WWOX: variants seen among roughly 807,000 people sequenced by gnomAD.
WWOX encodes the protein WW domain-containing oxidoreductase.
Under a neutral mutation model 46.2 loss-of-function variants are expected in WWOX, and 69 were observed. The ratio of observed to expected loss-of-function variants is 1.49; its 90% CI spans 1.23 to 1.82. WWOX has a LOEUF of 1.82. WWOX is among the 40% of genes most tolerant of loss of function. The pLI is 0.00. For synonymous variants in WWOX, 359 were observed against 202.6 expected (o/e 1.77, Z -6.56); for missense variants, 919 against 542.6 (o/e 1.69, Z -6.89).
chr16:78,353,399 G>C (rs532239277), intron 5 of WWOX, among the ~76,000 whole-genome samples: 13 of 152,242 alleles, frequency 8.5e-5, no homozygotes, highest in African/African-American at 3.1e-4. Flanking sequence ...GCCTTCCAGG[G>C]GTGTAAGCCA....
At chr16:78,854,932 T>C (rs1307419135) in intron 8 of WWOX, among the ~76,000 whole-genome samples, 1 of 151,786 alleles carries the variant, frequency 6.6e-6, no homozygotes, top group Non-Finnish European at 1.5e-5. Flanking sequence ...TTAACAAAAC[T>C]TTAAAATGGG....
chr16:78,575,051 ATATATATATATATATATATATATAT>A (rs2044835339), intron 8 of WWOX, among the ~76,000 whole-genome samples: 1 of 12,346 alleles, frequency 8.1e-5, no homozygotes, highest in South Asian at 3.4e-3. Flanking sequence ...ATATATATAT[ATATATATATATATATATATATATAT>A]ATATATATAT....
intron 8 of WWOX, among the ~76,000 whole-genome samples, chr16:78,928,227 G>C (rs1252710808): frequency 1.4e-5 from 2 of 147,568 alleles, no homozygotes; most frequent in Non-Finnish European, 3.0e-5. Context: ...TTTTGAGACG[G>C]AGTCTCGCTC....
intron 8 of WWOX, among the ~76,000 whole-genome samples, chr16:79,057,463 A>G (rs9939158): frequency 0.6 from 91,085 of 151,818 alleles, 28,008 homozygotes; most frequent in African/African-American, 0.71. Flanking sequence ...GCTCCTTCTC[A>G]TTAGAGTCTT....
intron 8 of WWOX, among the ~76,000 whole-genome samples, chr16:78,945,084 G>A (rs1038708003): frequency 1.3e-5 from 2 of 152,142 alleles, no homozygotes; most frequent in Non-Finnish European, 2.9e-5. Context: ...GGAGGCTGAG[G>A]TAAGGGGATT....
intron 8 of WWOX, among the ~76,000 whole-genome samples, chr16:78,883,940 C>T (rs1011774258): frequency 6.6e-6 from 1 of 151,968 alleles, no homozygotes; most frequent in Non-Finnish European, 1.5e-5. Flanking sequence ...TTTTGGAAGA[C>T]TTGATTTACA....
rs9927493 is a variant in WWOX at position 78,275,988 on chromosome 16, A to G, written c.517-110872A>G. Among the ~76,000 whole-genome samples the G allele has an allele frequency of 2.5e-3, 377 of 152,222 alleles. 1 individual carries two copies. The highest frequency in any genetic ancestry group is 8.5e-3 in the African/African-American group (354 of 41,540). On this transcript the variant is annotated intron_variant, in intron 5 of 8. Coordinates refer to ENST00000566780, the MANE Select transcript of WWOX (RefSeq NM_016373.4). ...GCATCAGCCTTAGCCCAGACCCCCA[A>G]ACTTCCTGGGCTTCATTCTGCTTTG... is the stretch of plus-strand genomic sequence containing the variant.
At chr16:78,392,135 G>A (rs552256007) in intron 6 of WWOX, among the ~76,000 whole-genome samples, 2 of 152,022 alleles carry the variant, frequency 1.3e-5, no homozygotes, top group Non-Finnish European at 2.9e-5. Context: ...GGGTGGCATG[G>A]CAGGGAGTGA....
chr16:78,633,583 G>A (rs1446603688), intron 8 of WWOX, among the ~76,000 whole-genome samples: 1 of 152,172 alleles, frequency 6.6e-6, no homozygotes, highest in Non-Finnish European at 1.5e-5. Context: ...ACGCTGGCAG[G>A]CCTCTGGCTT....
intron 8 of WWOX, among the ~76,000 whole-genome samples, chr16:79,187,836 C>G (rs1425931889): frequency 6.6e-6 from 1 of 152,258 alleles, no homozygotes; most frequent in Non-Finnish European, 1.5e-5. Flanking sequence ...GCCACCATGC[C>G]TGGCCCCCTT....
chr16:78,625,475 A>G (rs72805029), intron 8 of WWOX, among the ~76,000 whole-genome samples: 7,699 of 152,116 alleles, frequency 0.051, 291 homozygotes, highest in Non-Finnish European at 0.074. Context: ...TTTGAAACAG[A>G]CTTCGTTAGA....
At chr16:78,637,259 A>G (rs1489586847) in intron 8 of WWOX, among the ~76,000 whole-genome samples, 2 of 151,942 alleles carry the variant, frequency 1.3e-5, no homozygotes, top group African/African-American at 4.8e-5. Flanking sequence ...CCCCCAACCA[A>G]CGACCCTTCC....
intron 8 of WWOX, among the ~76,000 whole-genome samples, chr16:78,590,525 C>A (rs1307688752): frequency 6.6e-6 from 1 of 152,196 alleles, no homozygotes; most frequent in Non-Finnish European, 1.5e-5. Flanking sequence ...GCAGATTAGA[C>A]AAGAAACATT....
At chr16:78,485,680 G>C (rs907795134) in intron 8 of WWOX, among the ~76,000 whole-genome samples, 4 of 152,232 alleles carry the variant, frequency 2.6e-5, no homozygotes, top group Non-Finnish European at 5.9e-5. Context: ...GTGAGCAATT[G>C]TGCTTCTGAT....
chr16:78,808,988 C>T (rs1047924720), intron 8 of WWOX, among the ~76,000 whole-genome samples: 24 of 152,024 alleles, frequency 1.6e-4, no homozygotes, highest in African/African-American at 5.1e-4. Context: ...TTCTCAGGAC[C>T]TGATGAATTA....
At chr16:78,775,539 G>C (rs1387374373) in intron 8 of WWOX, among the ~76,000 whole-genome samples, 1 of 152,076 alleles carries the variant, frequency 6.6e-6, no homozygotes, top group African/African-American at 2.4e-5. Context: ...GGAGAGTATG[G>C]GCTTTGAAAC....
intron 8 of WWOX, among the ~76,000 whole-genome samples, chr16:78,700,483 A>G (rs968690236): frequency 8.5e-5 from 13 of 152,134 alleles, no homozygotes; most frequent in Admixed American, 5.2e-4. Flanking sequence ...TGCATTTGGA[A>G]GAGAGAGGAA....
intron 8 of WWOX, among the ~76,000 whole-genome samples, chr16:79,128,470 G>T (rs1567569056): frequency 6.6e-6 from 1 of 152,048 alleles, no homozygotes. Context: ...CCTGTTACAG[G>T]TAAGAAAATT....
chr16:78,363,094 T>G (rs2081447078), intron 5 of WWOX, among the ~76,000 whole-genome samples: 1 of 152,082 alleles, frequency 6.6e-6, no homozygotes, highest in Admixed American at 6.5e-5. Flanking sequence ...TTATTCAGTA[T>G]TAGGAAAAAA....
Sources: gnomAD v4.1 joint callset for allele counts (sites outside exome capture counted in the v4.1 genomes callset) on GRCh38, gnomAD v4.1.1 for gene constraint, MANE v1.5 for transcripts, NCBI Gene and HGNC (gene_info 2026-07-23, HGNC 2026-07-21) for gene names.